The following GNG4 variants were observed in gnomAD, a reference collection of about 807,000 sequenced individuals.
GNG4 encodes the protein guanine nucleotide-binding protein G(I)/G(S)/G(O) subunit gamma-4.
Under a neutral mutation model 5.8 loss-of-function variants are expected in GNG4, and 4 were observed. The ratio of observed to expected loss-of-function variants is 0.69; its 90% CI spans 0.34 to 1.57. GNG4 has a LOEUF of 1.57. Among genes scored for constraint, GNG4 ranks in the 40% most tolerant of loss-of-function variants. The probability of loss-of-function intolerance (pLI) is 0.06; values close to 1 mark genes in which losing one functional copy is unlikely to be tolerated. For synonymous variants in GNG4, 29 were observed against 32.9 expected, an observed-to-expected ratio of 0.88 and a Z score of 0.41; for missense variants, 96 against 95.1, an observed-to-expected ratio of 1.01 and a Z score of -0.04.
chr1:235,553,762 G>C (rs967920998), intron 3 of GNG4, among the ~76,000 whole-genome samples: 1 of 152,144 alleles, frequency 6.6e-6, no homozygotes, highest in Non-Finnish European at 1.5e-5. Flanking sequence ...GAGTTCCGGT[G>C]AACATCAGGC....
intron 1 of GNG4, among the ~76,000 whole-genome samples, chr1:235,620,256 G>A (rs1431952284): frequency 6.6e-6 from 1 of 152,084 alleles, no homozygotes; most frequent in Non-Finnish European, 1.5e-5. Context: ...TCCCAGCTAC[G>A]TGGGTGGCTG....
At chr1:235,601,517 C>T (rs1371271721) in intron 1 of GNG4, among the ~76,000 whole-genome samples, 4 of 152,120 alleles carry the variant, frequency 2.6e-5, no homozygotes, top group African/African-American at 7.2e-5. Flanking sequence ...GAGACTTGCC[C>T]GCCCTCAAAG....
intron 2 of GNG4, among the ~76,000 whole-genome samples, chr1:235,587,303 AGGGTGAGGG>A (rs1687793235): frequency 6.7e-5 from 2 of 29,972 alleles, no homozygotes; most frequent in African/African-American, 2.3e-4. Flanking sequence ...GGTGTGTGTG[AGGGTGAGGG>A]GTGTGTGTGT....
At chr1:235,574,263 C>T (rs1030926997) in intron 3 of GNG4, among the ~76,000 whole-genome samples, 2 of 151,886 alleles carry the variant, frequency 1.3e-5, no homozygotes, top group East Asian at 1.9e-4. Context: ...TCCAGCTACT[C>T]GGGAGGCTGA....
At position 235,648,174 on chromosome 1, in the gene GNG4, G is replaced by A. The variant is rs184910438; in HGVS notation, c.-123+1488C>T. On this transcript the variant is annotated intron_variant, in intron 1 of 3. Transcript: ENST00000391854. This position sits in a 1 kb window ranked among gnomAD's most constrained non-coding sequence, Gnocchi z 5.0. ...GCGAATTTTAAGGCCTATGAGCACT[G>A]GAGTTGTGCATGGAGGTGGGGGCCA... Among the ~76,000 whole-genome samples the A allele has an allele frequency of 1.3e-5, 2 of 152,118 alleles. No homozygotes were observed. The highest frequency in any genetic ancestry group is 2.4e-5 in the African/African-American group (1 of 41,390).
intron 2 of GNG4, among the ~76,000 whole-genome samples, chr1:235,592,263 T>C (rs1571901031): frequency 1.3e-5 from 2 of 152,144 alleles, no homozygotes; most frequent in Non-Finnish European, 2.9e-5. Context: ...CCCAGCACTT[T>C]GGGAGGCCGA....
chr1:235,630,333 T>C (rs1372552088), intron 1 of GNG4, among the ~76,000 whole-genome samples: 1 of 152,218 alleles, frequency 6.6e-6, no homozygotes, highest in East Asian at 1.9e-4. Flanking sequence ...AGCTGCCAGA[T>C]ACACATCTTC....
At chr1:235,580,765 T>C (rs985238271) in intron 3 of GNG4, among the ~76,000 whole-genome samples, 17 of 149,744 alleles carry the variant, frequency 1.1e-4, no homozygotes, top group Non-Finnish European at 2.1e-4. Flanking sequence ...TTTTTTTTTT[T>C]CCTGAGATGG....
At chr1:235,553,930 C>A (rs967574194) in intron 3 of GNG4, among the ~76,000 whole-genome samples, 1 of 152,160 alleles carries the variant, frequency 6.6e-6, no homozygotes, top group African/African-American at 2.4e-5. Context: ...CCTTTAATAG[C>A]ATGGTCAGTA....
At chr1:235,579,649 G>A (rs1032110906) in intron 3 of GNG4, among the ~76,000 whole-genome samples, 7 of 151,904 alleles carry the variant, frequency 4.6e-5, no homozygotes, top group Admixed American at 1.3e-4. Context: ...TCAGGAGTTC[G>A]AGACCAGCCT....
intron 1 of GNG4, among the ~76,000 whole-genome samples, chr1:235,596,215 C>A (rs57232070): frequency 0.14 from 16,303 of 118,896 alleles, 1,212 homozygotes; most frequent in Middle Eastern, 0.2. Context: ...AAAATACACA[C>A]ACACACACAC....
At chr1:235,606,853 G>A (rs180804434) in intron 1 of GNG4, among the ~76,000 whole-genome samples, 1 of 152,034 alleles carries the variant, frequency 6.6e-6, no homozygotes, top group African/African-American at 2.4e-5. Flanking sequence ...AAGCAGCATG[G>A]GGGGGCGAGC....
intron 1 of GNG4, among the ~76,000 whole-genome samples, chr1:235,608,858 G>GCA (rs1441578195): frequency 2.0e-4 from 31 of 151,774 alleles, no homozygotes; most frequent in African/African-American, 6.8e-4. Flanking sequence ...TAATTTTTGT[G>GCA]TTTTTAGTAG....
At chr1:235,634,488 A>G (rs1688990464) in intron 1 of GNG4, among the ~76,000 whole-genome samples, 1 of 152,194 alleles carries the variant, frequency 6.6e-6, no homozygotes, top group African/African-American at 2.4e-5. Flanking sequence ...GTCTGGTGAT[A>G]TCTGGGTGCA....
chr1:235,612,058 T>A (rs1201647992), intron 1 of GNG4, among the ~76,000 whole-genome samples: 1 of 77,424 alleles, frequency 1.3e-5, no homozygotes, highest in Non-Finnish European at 2.2e-5. Flanking sequence ...AGTGAGACTT[T>A]GTCTCACAAA....
chr1:235,570,244 G>A (rs1687298859), intron 3 of GNG4, among the ~76,000 whole-genome samples: 2 of 152,016 alleles, frequency 1.3e-5, no homozygotes, highest in Non-Finnish European at 1.5e-5. Context: ...TGTTTCCTGT[G>A]CACCTTCCTG....
intron 3 of GNG4, chr1:235,566,669 A>C (rs1687206219): frequency 6.6e-6 from 1 of 152,610 alleles, no homozygotes; most frequent in African/African-American, 2.4e-5. Context: ...AAAAGATAGG[A>C]GAGACTGAGG....
At chr1:235,567,183 C>G (rs966069270) in intron 3 of GNG4, among the ~76,000 whole-genome samples, 7 of 152,086 alleles carry the variant, frequency 4.6e-5, no homozygotes, top group Non-Finnish European at 1.5e-5. Flanking sequence ...ATTCTCCCAC[C>G]TTGGCCTCCC....
At chr1:235,612,778 C>G (rs1180564572) in intron 1 of GNG4, among the ~76,000 whole-genome samples, 1 of 152,230 alleles carries the variant, frequency 6.6e-6, no homozygotes, top group African/African-American at 2.4e-5. Flanking sequence ...CCGCCTTGGC[C>G]TCCCAAAGTG....
Sources: allele counts gnomAD v4.1 joint callset (sites outside exome capture counted in the v4.1 genomes callset), GRCh38; gene constraint gnomAD v4.1.1; non-coding constraint Gnocchi (gnomAD v3.1); transcripts MANE v1.5; gene names NCBI Gene and HGNC (gene_info 2026-07-23, HGNC 2026-07-21).